The following NAA60 variants were observed in gnomAD, a reference collection of about 807,000 sequenced individuals.
The protein encoded by NAA60 is N-alpha-acetyltransferase 60.
A neutral mutation model predicts 26.1 loss-of-function variants in NAA60; 8 were observed. That is an observed-to-expected ratio of 0.31 (90% CI 0.18 to 0.55). NAA60 has a LOEUF of 0.55. NAA60 is among the 20% of genes least tolerant of loss of function. The pLI is 0.93. For synonymous variants in NAA60, 131 were observed against 122.5 expected (o/e 1.07, Z -0.46); for missense variants, 290 against 311.3 (o/e 0.93, Z 0.51).
rs1245342973 is a variant in NAA60 at position 3,485,587 on chromosome 16, C to T, written c.*327C>T. ...GGCTGCATTCACTGGGAGGGGCCTG[C>T]CCTCACTGGGCCTCTCCCACTCCGC... On this transcript the variant is annotated 3_prime_UTR_variant, in exon 8 of 8. Coordinates refer to ENST00000407558, the MANE Select transcript of NAA60 (RefSeq NM_001083601.3). The T allele has an allele frequency of 2.2e-6, 1 of 455,702 alleles. No homozygotes were observed. The highest frequency in any genetic ancestry group is 1.6e-5 in the South Asian group (1 of 64,426). 28.2% of individuals were successfully genotyped at this position (455,702 alleles called of 1,614,324 possible). A position where few individuals can be genotyped will look rare whatever the true frequency, so the allele number is the denominator to read the frequency against.
intron 2 of NAA60, among the ~76,000 whole-genome samples, chr16:3,467,049 G>A (rs1020271048): frequency 7.2e-5 from 11 of 152,216 alleles, no homozygotes; most frequent in African/African-American, 1.9e-4. Context: ...TCAGAGGTGC[G>A]GAAAGCCTGA....
At chr16:3,460,799 C>T (rs1044672680) in intron 2 of NAA60, among the ~76,000 whole-genome samples, 5 of 152,232 alleles carry the variant, frequency 3.3e-5, no homozygotes, top group Non-Finnish European at 7.3e-5. Context: ...CAAAAAGATG[C>T]TGAAAGTCCT....
chr16:3,481,011 C>T (rs1362583690), intron 4 of NAA60, among the ~76,000 whole-genome samples: 1 of 152,162 alleles, frequency 6.6e-6, no homozygotes, highest in Non-Finnish European at 1.5e-5. Context: ...CTGTCTGGCA[C>T]AGCTTTTTTC....
chr16:3,482,447 A>C (rs2036897086), intron 4 of NAA60, 55 bp from the exon 5 acceptor site: 1 of 1,408,906 alleles, frequency 7.1e-7, no homozygotes, highest in African/African-American at 1.4e-5. Context: ...CGGGCTGTGC[A>C]GTGAGCCGTG....
intron 2 of NAA60, among the ~76,000 whole-genome samples, chr16:3,462,834 G>A (rs37773): frequency 0.27 from 40,924 of 152,030 alleles, 6,573 homozygotes; most frequent in African/African-American, 0.47. Context: ...AACATGGGTT[G>A]CTTTGACAAA....
chr16:3,454,035 T>C (rs181768112), intron 2 of NAA60, among the ~76,000 whole-genome samples: 1 of 152,248 alleles, frequency 6.6e-6, no homozygotes, highest in African/African-American at 2.4e-5. Context: ...CTGGGGATTG[T>C]CGGAAAGAGG....
At chr16:3,449,881 T>TGTGA in intron 2 of NAA60, 1 of 385,572 alleles carries the variant, frequency 2.6e-6, no homozygotes, top group Non-Finnish European at 4.6e-6. Context: ...TCTGCCACCA[T>TGTGA]GTGAGACATG....
At chr16:3,458,275 GC>G in intron 2 of NAA60, 1 of 820,710 alleles carries the variant, frequency 1.2e-6, no homozygotes, top group Non-Finnish European at 1.5e-6. Flanking sequence ...GGTCAGGGGG[GC>G]CAGCGCCCAC....
chr16:3,466,774 A>C (rs1348095646), intron 2 of NAA60, among the ~76,000 whole-genome samples: 1 of 152,094 alleles, frequency 6.6e-6, no homozygotes, highest in African/African-American at 2.4e-5. Flanking sequence ...AGGGAGATCT[A>C]CTGAGATGTG....
At chr16:3,463,410 T>C (rs2150971240) in intron 2 of NAA60, among the ~76,000 whole-genome samples, 1 of 149,666 alleles carries the variant, frequency 6.7e-6, no homozygotes, top group South Asian at 2.1e-4. Flanking sequence ...ATTACCTGAG[T>C]GTAGTAACTT....
At chr16:3,456,432 G>A (rs2034998588) in intron 2 of NAA60, among the ~76,000 whole-genome samples, 1 of 150,980 alleles carries the variant, frequency 6.6e-6, no homozygotes, top group South Asian at 2.1e-4. Flanking sequence ...AGTACAGAGC[G>A]AGCAATTTCC....
rs1273227998 is a variant in NAA60 at position 3,484,989 on chromosome 16, T to G, written c.*134T>G. On this transcript the variant is annotated 3_prime_UTR_variant, in exon 7 of 8. Transcript: ENST00000407558. ...ACTGGGCTCGTCGGCCTGCCCCAGC[T>G]GCAGGCCCGGTGCTACACGGGCTCG... The G allele has an allele frequency of 6.5e-7, 1 of 1,527,688 alleles. No homozygotes were observed. Among genetic ancestry groups the G allele is most frequent in the Admixed American group, 2.0e-5 (1 of 50,718 alleles). 94.6% of individuals were successfully genotyped at this position (1,527,688 alleles called of 1,614,324 possible). A position where few individuals can be genotyped will look rare whatever the true frequency, so the allele number is the denominator to read the frequency against.
chr16:3,445,274 C>CTTT lies in NAA60; in HGVS notation c.-77+1438_-77+1439insTTT, dbSNP rs1452284919. Among the ~76,000 whole-genome samples, 24 of 125,550 alleles carry CTTT rather than the reference C, an allele frequency of 1.9e-4. 2 individuals carry two copies. The highest frequency in any genetic ancestry group is 2.6e-4 in the Non-Finnish European group (16 of 61,846). 82.4% of individuals were successfully genotyped at this position (125,550 alleles called of 152,430 possible). On this transcript the variant is annotated intron_variant, in intron 1 of 7. Coordinates refer to ENST00000407558, the MANE Select transcript of NAA60 (RefSeq NM_001083601.3). ...CTTTCCCTTCTTGGTTTGTGCTTAT[C>CTTT]TCTTTTTTTTTTTTTTTTTTGAGAC...
At chr16:3,455,841 G>T (rs1378637337) in intron 2 of NAA60, among the ~76,000 whole-genome samples, 1 of 151,616 alleles carries the variant, frequency 6.6e-6, no homozygotes, top group Non-Finnish European at 1.5e-5. Flanking sequence ...TTAGTAGCTG[G>T]GATTACAGGC....
intron 6 of NAA60, among the ~76,000 whole-genome samples, chr16:3,484,401 C>G (rs985005015): frequency 6.6e-6 from 1 of 152,176 alleles, no homozygotes; most frequent in African/African-American, 2.4e-5. Context: ...AAGCACCTGC[C>G]CTTCTGCCAG....
intron 2 of NAA60, among the ~76,000 whole-genome samples, chr16:3,464,714 A>G (rs1375005089): frequency 6.6e-6 from 1 of 152,218 alleles, no homozygotes; most frequent in African/African-American, 2.4e-5. Flanking sequence ...TATTATTTAC[A>G]GGTAGTTTTG....
At chr16:3,444,722 A>G (rs1224888139) in intron 1 of NAA60, among the ~76,000 whole-genome samples, 2 of 152,218 alleles carry the variant, frequency 1.3e-5, no homozygotes, top group Admixed American at 6.5e-5. Context: ...GCCCAGTGAC[A>G]ACATCAAGGT....
At position 3,464,201 on chromosome 16, in the gene NAA60, A is replaced by G. The variant is rs184838772; in HGVS notation, c.-6-12021A>G. Among the ~76,000 whole-genome samples the G allele has an allele frequency of 2.3e-3, 351 of 152,128 alleles. 1 individual carries two copies. The highest frequency in any genetic ancestry group is 7.3e-3 in the African/African-American group (304 of 41,492). ...GCCACCATGCCTGGCTAATTTTTGC[A>G]TTTTTAGTAGAGATGGGGTTTCCCC... On this transcript the variant is annotated intron_variant, in intron 2 of 7. Coordinates refer to ENST00000407558, the MANE Select transcript of NAA60 (RefSeq NM_001083601.3).
rs1212112691 is a variant in NAA60 at position 3,484,691 on chromosome 16, AG to A, written c.573-7del. The A allele has an allele frequency of 6.3e-6, 10 of 1,584,546 alleles. No individual in the cohort carries two copies. The highest frequency in any genetic ancestry group is 1.8e-5 in the Admixed American group (1 of 55,786). ...GGCAAGTCGGAATCTTCCTTAACAGAGCCCCACGGACTACATCCAGCACCTG... is the reference window on the plus strand; with the variant it reads ...GGCAAGTCGGAATCTTCCTTAACAGACCCCACGGACTACATCCAGCACCTG... On this transcript the variant is annotated splice_polypyrimidine_tract_variant and splice_region_variant and intron_variant, in intron 6 of 7. Coordinates refer to ENST00000407558, the MANE Select transcript of NAA60 (RefSeq NM_001083601.3).
Sources: gnomAD v4.1 joint callset for allele counts (sites outside exome capture counted in the v4.1 genomes callset) on GRCh38, gnomAD v4.1.1 for gene constraint, MANE v1.5 for transcripts, NCBI Gene and HGNC (gene_info 2026-07-23, HGNC 2026-07-21) for gene names.